ERICH1: variants seen among roughly 807,000 people sequenced by gnomAD.
ERICH1 encodes the protein glutamate rich 1.
ERICH1 carries 56 observed loss-of-function variants against 39.6 expected under a neutral mutation model. The ratio of observed to expected loss-of-function variants is 1.41; its 90% CI spans 1.14 to 1.77. ERICH1 has a LOEUF of 1.77. Among genes scored for constraint, ERICH1 ranks in the 40% most tolerant of loss-of-function variants. The pLI is 0.00. For synonymous variants in ERICH1, 313 were observed against 223.6 expected (o/e 1.40, Z -3.57); for missense variants, 826 against 575.4 (o/e 1.44, Z -4.45).
At chr8:679,818 G>A (rs1805716796) in intron 3 of ERICH1, among the ~76,000 whole-genome samples, 1 of 152,178 alleles carries the variant, frequency 6.6e-6, no homozygotes, top group African/African-American at 2.4e-5. Context: ...AGAGCTGGAA[G>A]GGAAGAAACG....
In ERICH1 at chr8:668,585, G is replaced by C. The variant is rs369657391; in HGVS notation, c.1258+13C>G. 1 of 1,613,972 alleles carries C rather than the reference G, an allele frequency of 6.2e-7. No individual in the cohort carries two copies. Among genetic ancestry groups the C allele is most frequent in the African/African-American group, 1.3e-5 (1 of 75,044 alleles). On this transcript the variant is annotated intron_variant, in intron 5 of 5. Transcript: ENST00000262109. ...TCTTAAGCAGGACCTTGAATAAATC[G>C]TACGGTACTTACCAGGAGGCATCGT...
chr8:692,719 G>A, intron 2 of ERICH1, 107 bp from the exon 3 acceptor site: 7 of 1,266,132 alleles, frequency 5.5e-6, no homozygotes, highest in Non-Finnish European at 6.4e-6. Flanking sequence ...TTCAAGACAT[G>A]AAATCAAAGA....
chr8:641,879 A>G (rs947647479), intron 3 of ERICH1, among the ~76,000 whole-genome samples: 2 of 152,204 alleles, frequency 1.3e-5, no homozygotes, highest in Admixed American at 6.5e-5. Context: ...GGCCGTATGC[A>G]GTCCTTTCTT....
chr8:636,939 G>C (rs949692470), intron 3 of ERICH1, among the ~76,000 whole-genome samples: 3 of 152,122 alleles, frequency 2.0e-5, no homozygotes, highest in Admixed American at 6.5e-5. Context: ...TTCCTTCTCA[G>C]CATTTCCCAG....
chr8:662,445 TCAAGA>T (rs1324726483), downstream of ERICH1, among the ~76,000 whole-genome samples: 2 of 150,796 alleles, frequency 1.3e-5, no homozygotes, highest in African/African-American at 4.9e-5. Context: ...GGTCGGGAGT[TCAAGA>T]CCAGCCTGAC....
intron 3 of ERICH1, among the ~76,000 whole-genome samples, chr8:687,590 AG>A (rs1160892090): frequency 6.6e-6 from 1 of 152,094 alleles, no homozygotes; most frequent in Non-Finnish European, 1.5e-5. Context: ...CGCAGGGAGC[AG>A]GACTGGAGGG....
chr8:637,689 C>T (rs542605446), intron 3 of ERICH1: 2 of 152,354 alleles, frequency 1.3e-5, no homozygotes, highest in African/African-American at 4.8e-5. Flanking sequence ...GGTAGGGCAA[C>T]ACAGCCCCAC....
chr8:674,405 T>C (rs949773633), intron 3 of ERICH1, among the ~76,000 whole-genome samples: 1 of 149,744 alleles, frequency 6.7e-6, no homozygotes, highest in African/African-American at 2.5e-5. Context: ...CAGGTTCAAG[T>C]GATTCCGGTA....
At chr8:727,013 CACAT>C (rs1818915081) in intron 1 of ERICH1, among the ~76,000 whole-genome samples, 1 of 150,732 alleles carries the variant, frequency 6.6e-6, no homozygotes, top group African/African-American at 2.5e-5. Context: ...CACAGGCACA[CACAT>C]GCATGCACAC....
chr8:727,570 C>G (rs1819071728), intron 1 of ERICH1, among the ~76,000 whole-genome samples: 1 of 152,224 alleles, frequency 6.6e-6, no homozygotes, highest in Non-Finnish European at 1.5e-5. Context: ...GCGAGTGAAG[C>G]TGTCCTGTGC....
chr8:700,524 G>GCACACGCGCACAGA (rs1811841691), intron 2 of ERICH1, among the ~76,000 whole-genome samples: 1 of 60,650 alleles, frequency 1.6e-5, no homozygotes, highest in Non-Finnish European at 4.3e-5. Context: ...AGGCGCACAG[G>GCACACGCGCACAGA]CCCGCACAGG....
intron 3 of ERICH1, among the ~76,000 whole-genome samples, chr8:629,968 C>A (rs935526781): frequency 7.2e-6 from 1 of 138,472 alleles, no homozygotes. Flanking sequence ...CCTGTGACCA[C>A]CCACACAGAA....
intron 3 of ERICH1, among the ~76,000 whole-genome samples, chr8:682,173 G>A (rs1280235402): frequency 1.3e-5 from 2 of 152,158 alleles, no homozygotes; most frequent in East Asian, 1.9e-4. Context: ...TCTTCCTCAC[G>A]GTGGTCTGAC....
intron 3 of ERICH1, among the ~76,000 whole-genome samples, chr8:652,839 C>T (rs190026638): frequency 3.7e-4 from 56 of 152,228 alleles, no homozygotes; most frequent in Middle Eastern, 6.8e-3. Flanking sequence ...TCAACACGCA[C>T]GCAAAAAGAT....
intron 3 of ERICH1, among the ~76,000 whole-genome samples, chr8:629,937 C>CAGAG (rs1554480337): frequency 1.0e-5 from 1 of 96,182 alleles, no homozygotes; most frequent in Admixed American, 1.1e-4. Context: ...TGACCACCCA[C>CAGAG]ACAGAGCTGA....
chr8:664,786 A>C, intron 5 of ERICH1, 110 bp from the exon 6 acceptor site: 1 of 768,366 alleles, frequency 1.3e-6, no homozygotes, highest in Non-Finnish European at 2.0e-6. Context: ...CTCCCAAATA[A>C]TCTAATAAAA....
At chr8:674,652 C>A (rs1182112727) in intron 3 of ERICH1, among the ~76,000 whole-genome samples, 1 of 152,098 alleles carries the variant, frequency 6.6e-6, no homozygotes, top group Non-Finnish European at 1.5e-5. Context: ...GCCTTTCCCT[C>A]TATGGGGGGG....
chr8:668,599 A>G lies in ERICH1; in HGVS notation c.1257T>C (p.Pro419=). 1 of 1,614,230 alleles carries G rather than the reference A, an allele frequency of 6.2e-7. No individual in the cohort carries two copies. Among genetic ancestry groups the G allele is most frequent in the Non-Finnish European group, 8.5e-7 (1 of 1,180,028 alleles). ...TTGAATAAATCGTACGGTACTTACC[A>G]GGAGGCATCGTGCAATGTTCTGGGA... ...EMFPEHCTMP[P]DHARVISAFF... is the part of the protein sequence containing the mutation. Residue 419 remains proline (P), a splice_region_variant and synonymous_variant, in exon 5 of 6, where the codon CCT becomes CCC. Coordinates refer to ENST00000262109, the MANE Select transcript of ERICH1 (RefSeq NM_207332.3).
intron 3 of ERICH1, among the ~76,000 whole-genome samples, chr8:639,489 AT>A (rs1223460996): frequency 6.6e-6 from 1 of 152,204 alleles, no homozygotes; most frequent in Non-Finnish European, 1.5e-5. Flanking sequence ...AAACCACAAA[AT>A]ATCAAAGAGC....
Sources: gnomAD v4.1 joint callset for allele counts (sites outside exome capture counted in the v4.1 genomes callset) on GRCh38, gnomAD v4.1.1 for gene constraint, MANE v1.5 for transcripts, NCBI Gene and HGNC (gene_info 2026-07-23, HGNC 2026-07-21) for gene names.